SPINK2: variants seen among roughly 807,000 people sequenced by gnomAD.
SPINK2 encodes serine peptidase inhibitor Kazal type 2.
SPINK2 carries 8 observed loss-of-function variants against 13.5 expected under a neutral mutation model. The ratio of observed to expected loss-of-function variants is 0.59; its 90% CI spans 0.35 to 1.07. The LOEUF is 1.07. Ranked by LOEUF, SPINK2 falls within the 50% of genes least tolerant of loss-of-function variation. The pLI is 0.02. For synonymous variants in SPINK2, 76 were observed against 74.7 expected (o/e 1.02, Z -0.09); for missense variants, 148 against 180.3 (o/e 0.82, Z 1.03).
rs1348817003 is a variant in SPINK2 at position 56,821,678 on chromosome 4, G to C, written c.-16C>G. On this transcript the variant is annotated 5_prime_UTR_variant, in exon 1 of 4. Coordinates refer to ENST00000506738, the MANE Select transcript of SPINK2 (RefSeq NM_001271718.2). ...ACAGCGCCATCCTCCTCCCGCGCCG[G>C]CTGTCTTGCCCCTGCGGTCTGTTAC... The C allele has an allele frequency of 9.2e-6, 14 of 1,517,182 alleles. No homozygotes were observed. In the Admixed American group the frequency reaches 2.5e-4, roughly 27 times the overall value. 94.0% of individuals were successfully genotyped at this position (1,517,182 alleles called of 1,614,324 possible).
intron 2 of SPINK2, among the ~76,000 whole-genome samples, chr4:56,813,199 T>G (rs1254500998): frequency 6.6e-6 from 1 of 152,020 alleles, no homozygotes; most frequent in Non-Finnish European, 1.5e-5. Flanking sequence ...GGCGCATGCT[T>G]GTAATCCCAG....
At chr4:56,811,614 CAAA>C in intron 3 of SPINK2, 68 bp downstream of exon 3, 9 of 833,012 alleles carry the variant, frequency 1.1e-5, no homozygotes, top group Admixed American at 2.9e-5. Context: ...GAGACTCTGT[CAAA>C]AAAAAAAAGA....
Position 56,816,136 on chromosome 4 carries a change from A to G in SPINK2, c.250-4342T>C, listed in dbSNP as rs146428750. ...GAAAAAGGACTAATAAACAAGTTCA[A>G]CAAGGTTGAAAGATACAAGATCAAT... On this transcript the variant is annotated intron_variant, in intron 2 of 3. Transcript: ENST00000506738. Among the ~76,000 whole-genome samples the G allele has an allele frequency of 1.9e-3, 283 of 152,330 alleles. 1 individual carries two copies. Among genetic ancestry groups the G allele is most frequent in the African/African-American group, 6.5e-3 (269 of 41,576 alleles).
chr4:56,820,412 G>T, intron 2 of SPINK2, 124 bp downstream of exon 2: 1 of 688,926 alleles, frequency 1.5e-6, no homozygotes, highest in Non-Finnish European at 2.5e-6. Flanking sequence ...CTGACAACCT[G>T]GTTTTAAACG....
chr4:56,816,155 G>C (rs1407181660), intron 2 of SPINK2, among the ~76,000 whole-genome samples: 1 of 152,074 alleles, frequency 6.6e-6, no homozygotes. Flanking sequence ...AAAGATACAA[G>C]ATCAATATAT....
intron 2 of SPINK2, among the ~76,000 whole-genome samples, chr4:56,818,913 G>C (rs776611863): frequency 6.6e-6 from 1 of 152,170 alleles, no homozygotes; most frequent in Non-Finnish European, 1.5e-5. Flanking sequence ...CATTATACCT[G>C]ACAACATGCA....
At chr4:56,821,787 G>C, upstream of SPINK2, 1 of 1,054,308 alleles carries the variant, frequency 9.5e-7, no homozygotes, top group Admixed American at 3.9e-5. Flanking sequence ...AGGAAAAGCA[G>C]CGGTAGGTGG....
chr4:56,811,500 C>T (rs1716969505), intron 3 of SPINK2, among the ~76,000 whole-genome samples, 185 bp downstream of exon 3: 1 of 151,832 alleles, frequency 6.6e-6, no homozygotes, highest in South Asian at 2.1e-4. Flanking sequence ...GCCTGTAATC[C>T]CAGCTACTCC....
intron 1 of SPINK2, 78 bp downstream of exon 1, chr4:56,821,380 C>A (rs1438470215): frequency 7.0e-7 from 1 of 1,420,626 alleles, no homozygotes; most frequent in Non-Finnish European, 9.2e-7. Context: ...GAGCTGGGAG[C>A]GAAGCCCAAG....
upstream of SPINK2, chr4:56,821,841 G>T (rs115779767): frequency 0.026 from 16,013 of 626,322 alleles, 1,331 homozygotes; most frequent in African/African-American, 0.2. Flanking sequence ...GGGAAGAGGA[G>T]CCGTGAAGGG....
intron 2 of SPINK2, 120 bp downstream of exon 2, chr4:56,820,416 T>C: frequency 1.4e-6 from 1 of 717,342 alleles, no homozygotes; most frequent in Non-Finnish European, 2.4e-6. Context: ...CAACCTGGTT[T>C]TAAACGCAGT....
At position 56,821,663 on chromosome 4, in the gene SPINK2, C is replaced by G. The variant is rs1395600863; in HGVS notation, c.-1G>C. The G allele has an allele frequency of 1.3e-6, 2 of 1,532,312 alleles. No individual in the cohort carries two copies. The highest frequency in any genetic ancestry group is 1.8e-6 in the Non-Finnish European group (2 of 1,141,648). The allele number at this position is 1,532,312 out of a possible 1,614,324, so 94.9% of individuals were successfully genotyped here. On this transcript the variant is annotated 5_prime_UTR_variant, in exon 1 of 4. Coordinates refer to ENST00000506738, the MANE Select transcript of SPINK2 (RefSeq NM_001271718.2). ...CCAAGCGCAGCACCGACAGCGCCAT[C>G]CTCCTCCCGCGCCGGCTGTCTTGCC...
At chr4:56,813,919 CTTTTT>C (rs71194126) in intron 2 of SPINK2, among the ~76,000 whole-genome samples, 2 of 97,130 alleles carry the variant, frequency 2.1e-5, no homozygotes, top group Non-Finnish European at 4.0e-5. Flanking sequence ...GCACCTGGCC[CTTTTT>C]TTTTTTTTTT....
intron 3 of SPINK2, 55 bp from the exon 4 acceptor site, chr4:56,810,239 CT>C (rs1490236675): frequency 1.4e-6 from 2 of 1,476,982 alleles, no homozygotes; most frequent in Non-Finnish European, 9.3e-7. Flanking sequence ...CTGAAACTGT[CT>C]CATTATTTGT....
At chr4:56,814,661 T>C (rs2109657097) in intron 2 of SPINK2, among the ~76,000 whole-genome samples, 1 of 151,900 alleles carries the variant, frequency 6.6e-6, no homozygotes, top group East Asian at 2.0e-4. Context: ...TTTTATGATT[T>C]TTTTTAAAAA....
At chr4:56,812,430 C>T (rs780095168) in intron 2 of SPINK2, among the ~76,000 whole-genome samples, 3 of 151,476 alleles carry the variant, frequency 2.0e-5, no homozygotes, top group South Asian at 4.2e-4. Context: ...TGGCGCATGC[C>T]TGTAATCCCA....
intron 2 of SPINK2, among the ~76,000 whole-genome samples, chr4:56,814,657 G>GT (rs1717274466): frequency 6.6e-6 from 1 of 151,632 alleles, no homozygotes; most frequent in Non-Finnish European, 1.5e-5. Flanking sequence ...ACTCTTTTAT[G>GT]ATTTTTTTTA....
chr4:56,812,651 A>G (rs1020080290), intron 2 of SPINK2, among the ~76,000 whole-genome samples: 2 of 149,724 alleles, frequency 1.3e-5, no homozygotes, highest in African/African-American at 2.4e-5. Context: ...ATGCCACCAC[A>G]CCTACTTTTT....
At chr4:56,819,801 C>T (rs13434968) in intron 2 of SPINK2, among the ~76,000 whole-genome samples, 10,175 of 151,852 alleles carry the variant, frequency 0.067, 521 homozygotes, top group African/African-American at 0.14. Context: ...ATTTTTAGTA[C>T]AGACGGGGTT....
Sources: allele counts gnomAD v4.1 joint callset (sites outside exome capture counted in the v4.1 genomes callset), GRCh38; gene constraint gnomAD v4.1.1; transcripts MANE v1.5; gene names NCBI Gene and HGNC (gene_info 2026-07-23, HGNC 2026-07-21).